KCNH5: variants seen among roughly 807,000 people sequenced by gnomAD.
The protein encoded by KCNH5 is potassium voltage-gated channel subfamily H member 5.
A neutral mutation model predicts 96.1 loss-of-function variants in KCNH5; 46 were observed. The ratio of observed to expected loss-of-function variants is 0.48; its 90% CI spans 0.38 to 0.61. The LOEUF is 0.61. Ranked by LOEUF, KCNH5 falls within the 20% of genes least tolerant of loss-of-function variation. KCNH5 has a pLI of 0.00. For synonymous variants in KCNH5, 439 were observed against 449.8 expected, an observed-to-expected ratio of 0.98 and a Z score of 0.30; for missense variants, 907 against 1,225.8, an observed-to-expected ratio of 0.74 and a Z score of 3.88.
At chr14:63,029,347 G>A (rs1286795263) in intron 1 of KCNH5, among the ~76,000 whole-genome samples, 1 of 152,132 alleles carries the variant, frequency 6.6e-6, no homozygotes. Context: ...GCTACTGGTT[G>A]CCTGATATAC....
intron 7 of KCNH5, among the ~76,000 whole-genome samples, chr14:62,873,458 A>C (rs1430560265): frequency 6.6e-6 from 1 of 152,182 alleles, no homozygotes; most frequent in East Asian, 1.9e-4. Flanking sequence ...AAATAAGAAC[A>C]ATATATAAAT....
intron 6 of KCNH5, among the ~76,000 whole-genome samples, chr14:62,962,552 C>T (rs1320675362): frequency 1.3e-5 from 2 of 152,076 alleles, no homozygotes; most frequent in African/African-American, 4.8e-5. Flanking sequence ...TGCCAACATA[C>T]TTGATGAAGT....
chr14:62,823,161 C>G (rs1887149548), intron 8 of KCNH5, among the ~76,000 whole-genome samples: 2 of 152,064 alleles, frequency 1.3e-5, no homozygotes. Flanking sequence ...CCCTATCCTA[C>G]AACACTTCTA....
At chr14:62,890,447 G>A (rs1412248699) in intron 7 of KCNH5, among the ~76,000 whole-genome samples, 5 of 152,054 alleles carry the variant, frequency 3.3e-5, no homozygotes, top group Non-Finnish European at 7.4e-5. Context: ...TGTAATCCCA[G>A]CACTTTGGGA....
intron 5 of KCNH5, among the ~76,000 whole-genome samples, chr14:62,984,345 C>T (rs191666781): frequency 5.9e-5 from 9 of 152,202 alleles, no homozygotes; most frequent in East Asian, 3.9e-4. Flanking sequence ...TGTCAATGCA[C>T]GCAGAAAATT....
At chr14:62,904,853 A>G (rs1409075718) in intron 7 of KCNH5, among the ~76,000 whole-genome samples, 1 of 152,150 alleles carries the variant, frequency 6.6e-6, no homozygotes, top group Non-Finnish European at 1.5e-5. Context: ...TCTAAACCCT[A>G]CCACCAATGT....
chr14:62,854,952 G>C (rs935192856), intron 7 of KCNH5, among the ~76,000 whole-genome samples: 4 of 150,504 alleles, frequency 2.7e-5, no homozygotes, highest in African/African-American at 9.7e-5. Context: ...CTGATCCCTT[G>C]AATGTAGGCA....
chr14:62,774,695 A>C (rs2139969914), intron 10 of KCNH5, among the ~76,000 whole-genome samples: 1 of 152,354 alleles, frequency 6.6e-6, no homozygotes, highest in Non-Finnish European at 1.5e-5. Flanking sequence ...TGAATTGGTT[A>C]AATAAATACA....
intron 4 of KCNH5, among the ~76,000 whole-genome samples, chr14:62,987,793 C>T (rs927106991): frequency 6.6e-6 from 1 of 152,106 alleles, no homozygotes; most frequent in Non-Finnish European, 1.5e-5. Flanking sequence ...TTGTATTAAG[C>T]CACTAAAAGT....
chr14:62,804,670 C>T (rs568201880), intron 8 of KCNH5, among the ~76,000 whole-genome samples: 2 of 152,284 alleles, frequency 1.3e-5, no homozygotes, highest in African/African-American at 4.8e-5. Flanking sequence ...TCAAAACTAT[C>T]ACAACCTTTG....
At chr14:62,886,777 G>A (rs903669551) in intron 7 of KCNH5, among the ~76,000 whole-genome samples, 1 of 152,048 alleles carries the variant, frequency 6.6e-6, no homozygotes, top group Admixed American at 6.6e-5. Context: ...TATAGTTTGA[G>A]GTTTATAAAG....
chr14:62,840,979 G>C (rs886370799), intron 8 of KCNH5, among the ~76,000 whole-genome samples: 2 of 151,738 alleles, frequency 1.3e-5, no homozygotes, highest in Admixed American at 1.3e-4. Flanking sequence ...TGGTTATTTG[G>C]CACTACTAGT....
At chr14:62,713,716 T>C (rs1218450469) in intron 10 of KCNH5, among the ~76,000 whole-genome samples, 1 of 152,222 alleles carries the variant, frequency 6.6e-6, no homozygotes, top group African/African-American at 2.4e-5. Context: ...CTTTGTTTTA[T>C]TTTAAGTTTA....
intron 7 of KCNH5, among the ~76,000 whole-genome samples, chr14:62,913,522 G>A (rs7401396): frequency 0.12 from 18,148 of 149,230 alleles, 1,269 homozygotes; most frequent in East Asian, 0.28. Flanking sequence ...CACTGCGCCC[G>A]GCCAAAACTT....
At position 63,001,252 on chromosome 14, in the gene KCNH5, A is replaced by G. The variant is rs943015413; in HGVS notation, c.433+79T>C. The G allele has an allele frequency of 6.0e-6, 8 of 1,329,520 alleles. No homozygotes were observed. The East Asian group carries it at 1.7e-4, about 29-fold the overall frequency. 82.4% of individuals were successfully genotyped at this position (1,329,520 alleles called of 1,614,324 possible). A position where few individuals can be genotyped will look rare whatever the true frequency, so the allele number is the denominator to read the frequency against. On this transcript the variant is annotated intron_variant, in intron 4 of 10. Transcript: ENST00000322893. Reference sequence around the variant, plus strand: ...ATAGTAGAATTTTGTTTTCCAGTTCAATCAGCAGAGGTAAAACAGTAAGAA... The same window carrying G: ...ATAGTAGAATTTTGTTTTCCAGTTCGATCAGCAGAGGTAAAACAGTAAGAA...
intron 7 of KCNH5, among the ~76,000 whole-genome samples, chr14:62,947,809 T>G (rs1889919189): frequency 9.4e-6 from 1 of 106,576 alleles, no homozygotes; most frequent in Admixed American, 8.3e-5. Flanking sequence ...TACAATCTTT[T>G]TTATTTATTT....
chr14:62,910,996 T>C (rs975432818), intron 7 of KCNH5, among the ~76,000 whole-genome samples: 1 of 151,726 alleles, frequency 6.6e-6, no homozygotes, highest in Non-Finnish European at 1.5e-5. Context: ...TAATGGAACA[T>C]ATTATACATT....
intron 2 of KCNH5, 96 bp from the exon 3 acceptor site, chr14:63,006,568 G>T (rs1177957716): frequency 1.4e-6 from 1 of 704,142 alleles, no homozygotes; most frequent in Admixed American, 2.2e-5. Flanking sequence ...GTCAAATGTG[G>T]CTAGAAAATA....
chr14:62,720,952 C>A (rs1359949628), intron 10 of KCNH5, among the ~76,000 whole-genome samples: 1 of 152,212 alleles, frequency 6.6e-6, no homozygotes, highest in Non-Finnish European at 1.5e-5. Flanking sequence ...GGATAACTGA[C>A]TAAACACTCC....
Sources: gnomAD v4.1 joint callset for allele counts (sites outside exome capture counted in the v4.1 genomes callset) on GRCh38, gnomAD v4.1.1 for gene constraint, MANE v1.5 for transcripts, NCBI Gene and HGNC (gene_info 2026-07-23, HGNC 2026-07-21) for gene names.